The following DNAH17 variants were observed in gnomAD, a reference collection of about 807,000 sequenced individuals.
DNAH17 encodes axonemal beta dynein heavy chain 17.
In DNAH17, 376 loss-of-function variants were observed where a neutral mutation model predicts 485.6. The ratio of observed to expected loss-of-function variants is 0.77; its 90% CI spans 0.71 to 0.84. The LOEUF (loss-of-function observed/expected upper bound fraction) is 0.84. Among genes scored for constraint, DNAH17 ranks in the 40% least tolerant of loss-of-function variants. DNAH17 has a pLI of 0.00. For missense variants in DNAH17, 6,370 were observed against 5,839.3 expected, an observed-to-expected ratio of 1.09 and a Z score of -2.96; for synonymous variants, 3,031 against 2,405.9, an observed-to-expected ratio of 1.26 and a Z score of -7.60.
In DNAH17 at chr17:78,569,082, G is replaced by C. The variant is rs191022837; in HGVS notation, c.1284+84C>G. 1.6e-3 allele frequency: 1,749 copies of C among 1,064,270 alleles called. 5 individuals are homozygous for C. Among genetic ancestry groups the C allele is most frequent in the African/African-American group, 3.0e-3 (187 of 62,452 alleles). The allele number at this position is 1,064,270 out of a possible 1,614,324, so 65.9% of individuals were successfully genotyped here. ...TCTGCCTGGGGGATTATTGGCAAGG[G>C]GGGTAGGGATGGACGCTGCAGGTGT... On this transcript the variant is annotated intron_variant, in intron 9 of 80. Coordinates refer to ENST00000389840, the MANE Select transcript of DNAH17 (RefSeq NM_173628.4).
At chr17:78,531,337 CTTTTTTTTT>C (rs35874440) in intron 20 of DNAH17, among the ~76,000 whole-genome samples, 17 of 122,370 alleles carry the variant, frequency 1.4e-4, no homozygotes, top group Non-Finnish European at 2.5e-4. Flanking sequence ...TAAAGTCTGT[CTTTTTTTTT>C]TTTTTTTTTT....
chr17:78,494,318 G>T, intron 40 of DNAH17, 145 bp from the exon 41 acceptor site: 1 of 1,262,588 alleles, frequency 7.9e-7, no homozygotes, highest in Non-Finnish European at 1.1e-6. Flanking sequence ...AAGTTCTGCT[G>T]TCAATGCCGA....
At chr17:78,494,332 T>G (rs1182827994) in intron 40 of DNAH17, 159 bp from the exon 41 acceptor site, 16 of 1,177,548 alleles carry the variant, frequency 1.4e-5, no homozygotes, top group Admixed American at 2.8e-5. Context: ...ATGCCGAGAG[T>G]TGACATAGCT....
Position 78,510,498 on chromosome 17 carries a change from A to C in DNAH17, c.4122T>G (p.Phe1374Leu), listed in dbSNP as rs765692977. 1 of 1,613,838 alleles carries C rather than the reference A, an allele frequency of 6.2e-7. No individual in the cohort carries two copies. Among genetic ancestry groups the C allele is most frequent in the Non-Finnish European group, 8.5e-7 (1 of 1,179,768 alleles). ...CCAGGGTCGTCTCTTCTGACATTTT[A>C]AATTTCACCTAAGGGAAAAAAATCC... ...QQLMQATQVK[F>L]KMSEETTLAD... Residue 1374 changes from phenylalanine (F) to leucine (L), a missense_variant, in exon 27 of 81, where the codon TTT becomes TTG. Phe to Leu is a conservative substitution (Grantham distance 22, BLOSUM62 0). Coordinates refer to ENST00000389840, the MANE Select transcript of DNAH17 (RefSeq NM_173628.4).
chr17:78,573,042 A>AT, intron 2 of DNAH17, 148 bp from the exon 3 acceptor site: 1 of 665,774 alleles, frequency 1.5e-6, no homozygotes, highest in Non-Finnish European at 2.5e-6. Context: ...CCCCAGGGGG[A>AT]TTCCAAAGAC....
At chr17:78,460,135 G>A (rs567598110) in intron 59 of DNAH17, 27 bp downstream of exon 59, 56 of 1,587,812 alleles carry the variant, frequency 3.5e-5, no homozygotes, top group Middle Eastern at 1.7e-4. Context: ...CAGGCCAGGG[G>A]TCCCCTTTCT....
chr17:78,434,309 C>CAAAGCATCTGGCAAGGG, intron 74 of DNAH17, 89 bp from the exon 75 acceptor site: 1 of 1,336,738 alleles, frequency 7.5e-7, no homozygotes, highest in Non-Finnish European at 1.0e-6. Context: ...CCAGCCCTTG[C>CAAAGCATCTGGCAAGGG]CAGATGCTTT....
chr17:78,468,391 G>A (rs760752266), intron 55 of DNAH17, among the ~76,000 whole-genome samples: 24 of 152,028 alleles, frequency 1.6e-4, no homozygotes, highest in South Asian at 2.1e-4. Context: ...ACCAAAGGAC[G>A]ACTGTAAAAC....
chr17:78,429,403 G>C, intron 75 of DNAH17, 103 bp from the exon 76 acceptor site: 1 of 1,291,372 alleles, frequency 7.7e-7, no homozygotes, highest in Non-Finnish European at 1.1e-6. Flanking sequence ...CCAGCCATTG[G>C]TGCTGTGTCC....
intron 63 of DNAH17, among the ~76,000 whole-genome samples, 177 bp downstream of exon 63, chr17:78,455,467 G>A (rs1373820894): frequency 2.0e-5 from 3 of 151,600 alleles, no homozygotes; most frequent in African/African-American, 7.3e-5. Flanking sequence ...CTGGGATTAA[G>A]GCGCCCCCCA....
intron 14 of DNAH17, among the ~76,000 whole-genome samples, chr17:78,556,751 A>C (rs2092031586): frequency 6.6e-6 from 1 of 152,152 alleles, no homozygotes; most frequent in Admixed American, 6.5e-5. Context: ...ACTGAAAACA[A>C]CCCGAATGCC....
chr17:78,438,285 G>A (rs979806193), intron 73 of DNAH17, among the ~76,000 whole-genome samples: 10 of 150,314 alleles, frequency 6.7e-5, no homozygotes, highest in Non-Finnish European at 1.0e-4. Context: ...GCCCAGAGGC[G>A]CTCGAGGACA....
intron 18 of DNAH17, among the ~76,000 whole-genome samples, 175 bp downstream of exon 18, chr17:78,539,562 G>A (rs2091466146): frequency 6.6e-6 from 1 of 152,182 alleles, no homozygotes; most frequent in Non-Finnish European, 1.5e-5. Context: ...GGACTGAGGG[G>A]ATTCTGGAAT....
rs772614293 is a variant in DNAH17 at position 78,475,452 on chromosome 17, G to T, written c.8337C>A (p.Ala2779=). ...GATTAATCCTGCAGATGTGAGCCAC[G>T]GCGTCCTCAAACAGCACCTGCAGAA... ...AVMNLVLFED[A]VAHICRINRI... The change falls in exon 54 of 81, where the codon GCC becomes GCA. Residue 2779 remains alanine, a synonymous_variant. Coordinates refer to ENST00000389840, the MANE Select transcript of DNAH17 (RefSeq NM_173628.4). The T allele has an allele frequency of 1.9e-6, 3 of 1,613,766 alleles. No homozygotes were observed. The highest frequency in any genetic ancestry group is 2.5e-6 in the Non-Finnish European group (3 of 1,179,868).
rs755824240 is a variant in DNAH17, at chr17:78,570,219, G to A, written c.1044+28C>T. On this transcript the variant is annotated intron_variant, in intron 7 of 80. Coordinates refer to ENST00000389840, the MANE Select transcript of DNAH17 (RefSeq NM_173628.4). ...GGGGACCCAGCCAGGAGGGGAGGAA[G>A]GGGACCCAGGGGCCAGGGGAGGGTT... The A allele has an allele frequency of 7.7e-6, 12 of 1,559,760 alleles. No homozygotes were observed. The African/African-American group carries it at 1.5e-4, about 19-fold the overall frequency.
At chr17:78,568,302 C>T (rs1366498570) in intron 9 of DNAH17, among the ~76,000 whole-genome samples, 18 of 152,084 alleles carry the variant, frequency 1.2e-4, no homozygotes. Flanking sequence ...TCTGTGACTG[C>T]AATTTTGAAC....
chr17:78,450,331 C>T lies in DNAH17; in HGVS notation c.10963G>A (p.Ala3655Thr), dbSNP rs1474695965. 6.2e-7 allele frequency: 1 copy of T among 1,613,920 alleles called. No individual in the cohort carries two copies. ...NEARENYRPA[A>T]ERASLLYFIL... Reference sequence around the variant, plus strand: ...AAGTAGAGCAGAGATGCCCTCTCCGCAGCCGGGCGGTAGTTCTCTCTCGCT... The same window carrying T: ...AAGTAGAGCAGAGATGCCCTCTCCGTAGCCGGGCGGTAGTTCTCTCTCGCT... Residue 3655 changes from alanine (A) to threonine (T), a missense_variant, in exon 68 of 81, where the codon GCG becomes ACG. Transcript: ENST00000389840.
chr17:78,566,986 C>A lies in DNAH17; in HGVS notation c.1452+13G>T. 1 of 1,603,680 alleles carries A rather than the reference C, an allele frequency of 6.2e-7. No homozygotes were observed. The highest frequency in any genetic ancestry group is 8.5e-7 in the Non-Finnish European group (1 of 1,174,234). ...ACCGAGTCCAGTTCATCCAACCCTG[C>A]CCGAGGACCTACCGAGTCTCCAGGG... On this transcript the variant is annotated intron_variant, in intron 10 of 80. Transcript: ENST00000389840.
intron 18 of DNAH17, among the ~76,000 whole-genome samples, chr17:78,538,034 G>A (rs761365148): frequency 5.9e-5 from 9 of 151,552 alleles, no homozygotes; most frequent in African/African-American, 1.2e-4. Flanking sequence ...CCAGCTACTC[G>A]GGAGGCTGAG....
Sources: allele counts gnomAD v4.1 joint callset (sites outside exome capture counted in the v4.1 genomes callset), GRCh38; gene constraint gnomAD v4.1.1; transcripts MANE v1.5; gene names NCBI Gene and HGNC (gene_info 2026-07-23, HGNC 2026-07-21).